The following PPM1A variants were observed in gnomAD, a reference collection of about 807,000 sequenced individuals.
The protein encoded by PPM1A is protein phosphatase, Mg2+/Mn2+ dependent 1A.
Under a neutral mutation model 35.0 loss-of-function variants are expected in PPM1A, and 7 were observed. The ratio of observed to expected loss-of-function variants is 0.20; its 90% CI spans 0.11 to 0.38. The LOEUF (loss-of-function observed/expected upper bound fraction) is 0.38. PPM1A is among the 10% of genes least tolerant of loss of function. The probability of loss-of-function intolerance (pLI) is 1.00; values close to 1 mark genes in which losing one functional copy is unlikely to be tolerated. For synonymous variants in PPM1A, 153 were observed against 167.3 expected (o/e 0.91, Z 0.66); for missense variants, 239 against 467.8 (o/e 0.51, Z 4.51).
At chr14:60,285,541 G>C in intron 2 of PPM1A, 83 bp from the exon 3 acceptor site, 1 of 1,373,126 alleles carries the variant, frequency 7.3e-7, no homozygotes, top group Non-Finnish European at 1.0e-6. Context: ...AAGTATAACT[G>C]TAATTGGCAC....
At position 60,294,337 on chromosome 14, in the gene PPM1A, A is replaced by G. The variant is rs939792706; in HGVS notation, c.*1855A>G. The G allele has an allele frequency of 6.6e-6, 1 of 151,876 alleles. No individual in the cohort carries two copies. Among genetic ancestry groups the G allele is most frequent in the African/African-American group, 2.4e-5 (1 of 41,406 alleles). 9.4% of individuals were successfully genotyped at this position (151,876 alleles called of 1,614,324 possible). On this transcript the variant is annotated 3_prime_UTR_variant, in exon 6 of 6. Transcript: ENST00000395076. ...ATGAATGAGGAAAAACTGAAGTACT[A>G]TTTATATTTAGAAATTCATATCAGT... is the stretch of plus-strand genomic sequence containing the variant.
rs375431894 is a variant in PPM1A at position 60,280,512 on chromosome 14, A to G, written c.-20-2172A>G. Reference sequence around the variant, plus strand: ...TCTTTTCTGTTGGTTTGTCTCTTAAATGTGTTTAATTTTTTGAGTTTCACT... The same window carrying G: ...TCTTTTCTGTTGGTTTGTCTCTTAAGTGTGTTTAATTTTTTGAGTTTCACT... On this transcript the variant is annotated intron_variant, in intron 1 of 5. Transcript: ENST00000395076. Among the ~76,000 whole-genome samples, 77 of 152,356 alleles carry G rather than the reference A, an allele frequency of 5.1e-4. 1 individual carries two copies. Among genetic ancestry groups the G allele is most frequent in the East Asian group, 9.6e-4 (5 of 5,194 alleles).
Position 60,289,995 on chromosome 14 carries a change from C to T in PPM1A, c.1061+81C>T. On this transcript the variant is annotated intron_variant, in intron 4 of 5. Transcript: ENST00000395076. This position sits in a 1 kb window ranked among gnomAD's most constrained non-coding sequence, Gnocchi z 4.1. ...TATTCATTGATAAAATGTTTGTTTG[C>T]CTAATTTCTGAACTGATGCAGTTAT... is the stretch of plus-strand genomic sequence containing the variant. The T allele has an allele frequency of 1.0e-6, 1 of 987,410 alleles. No homozygotes were observed. Among genetic ancestry groups the T allele is most frequent in the Non-Finnish European group, 1.5e-6 (1 of 682,836 alleles). The allele number at this position is 987,410 out of a possible 1,614,324, so 61.2% of individuals were successfully genotyped here. A position where few individuals can be genotyped will look rare whatever the true frequency, so the allele number is the denominator to read the frequency against.
At chr14:60,286,617 A>T in intron 3 of PPM1A, 1 of 985,326 alleles carries the variant, frequency 1.0e-6, no homozygotes, top group Non-Finnish European at 1.2e-6. Context: ...ATCGCATGCA[A>T]GCATTGACCT....
rs929066251 is a variant in PPM1A, at chr14:60,273,757, G to A, written c.-20-8927G>A. On this transcript the variant is annotated intron_variant, in intron 1 of 5. Transcript: ENST00000395076. The surrounding 1 kb of genome is among the most constrained non-coding windows in gnomAD (Gnocchi z 4.3). The stretch of plus-strand genomic sequence containing the variant: ...AAGTGGACAGATTTGAGAATGCTTA[G>A]GAAGCATATAACCCATGGGATTTGA... Among the ~76,000 whole-genome samples, 6 of 152,140 alleles carry A rather than the reference G, an allele frequency of 3.9e-5. No individual in the cohort carries two copies. The highest frequency in any genetic ancestry group is 8.8e-5 in the Non-Finnish European group (6 of 68,028).
At chr14:60,247,463 A>C (rs1342139880), upstream of PPM1A, among the ~76,000 whole-genome samples, 1 of 151,786 alleles carries the variant, frequency 6.6e-6, no homozygotes, top group Non-Finnish European at 1.5e-5. Context: ...CCCTGTCTGA[A>C]CTAAAAATAC....
intron 1 of PPM1A, among the ~76,000 whole-genome samples, chr14:60,261,036 C>G (rs1883690083): frequency 6.6e-6 from 1 of 152,112 alleles, no homozygotes; most frequent in African/African-American, 2.4e-5. Flanking sequence ...AGCCTCTCAA[C>G]TTCCCGAAAA....
At position 60,295,134 on chromosome 14, in the gene PPM1A, T is replaced by C. The variant is rs1887958606; in HGVS notation, c.*2652T>C. The stretch of plus-strand genomic sequence containing the variant: ...GAGGGAAAAAGTTCTTATGTGATGA[T>C]AATATAGTACTCAAAATATACTTTT... On this transcript the variant is annotated 3_prime_UTR_variant, in exon 6 of 6. Coordinates refer to ENST00000395076, the MANE Select transcript of PPM1A (RefSeq NM_021003.5). 6.6e-6 allele frequency: 1 copy of C among 151,794 alleles called. No homozygotes were observed. The highest frequency in any genetic ancestry group is 6.6e-5 in the Admixed American group (1 of 15,210). 9.4% of individuals were successfully genotyped at this position (151,794 alleles called of 1,614,324 possible).
intron 1 of PPM1A, among the ~76,000 whole-genome samples, chr14:60,250,739 A>G (rs1275729788): frequency 6.6e-6 from 1 of 152,240 alleles, no homozygotes; most frequent in African/African-American, 2.4e-5. Flanking sequence ...AGTCTTTTCA[A>G]ACTTGCACGT....
intron 1 of PPM1A, among the ~76,000 whole-genome samples, chr14:60,251,877 G>A (rs1019555726): frequency 6.6e-6 from 1 of 151,900 alleles, no homozygotes; most frequent in African/African-American, 2.4e-5. Context: ...GGAGACAAAG[G>A]GTGGTTGAGA....
intron 1 of PPM1A, among the ~76,000 whole-genome samples, chr14:60,278,812 T>C (rs1251426878): frequency 6.6e-6 from 1 of 152,250 alleles, no homozygotes; most frequent in African/African-American, 2.4e-5. Flanking sequence ...TTTAGGAATA[T>C]CTGTTTATGT....
intron 1 of PPM1A, among the ~76,000 whole-genome samples, chr14:60,251,705 A>G (rs1179748795): frequency 6.6e-6 from 1 of 152,176 alleles, no homozygotes; most frequent in African/African-American, 2.4e-5. Context: ...TCAGTGTTCT[A>G]AGGCTGGATT....
upstream of PPM1A, among the ~76,000 whole-genome samples, chr14:60,247,583 T>C (rs1017714479): frequency 2.9e-5 from 4 of 138,810 alleles, no homozygotes; most frequent in African/African-American, 8.7e-5. Context: ...TGAGCCGAGA[T>C]TGTGCCACTG....
chr14:60,291,381 A>AT lies in PPM1A; in HGVS notation c.1062-9dup, dbSNP rs764140760. On this transcript the variant is annotated splice_polypyrimidine_tract_variant and intron_variant, in intron 4 of 5. Transcript: ENST00000395076. ...GCTTTCTGAAGAATTAATTTTCTGC[A>AT]TTTTTTTACACTTAGGAGGAATGTT... 1.1e-4 allele frequency: 174 copies of AT among 1,521,212 alleles called. No individual in the cohort carries two copies. Among genetic ancestry groups the AT allele is most frequent in the Non-Finnish European group, 1.5e-4 (164 of 1,125,054 alleles). 94.2% of individuals were successfully genotyped at this position (1,521,212 alleles called of 1,614,324 possible). A position where few individuals can be genotyped will look rare whatever the true frequency, so the allele number is the denominator to read the frequency against.
rs1316712415 is a variant in PPM1A, at chr14:60,285,608, AT to A, written c.835-9del. On this transcript the variant is annotated splice_polypyrimidine_tract_variant and intron_variant, in intron 2 of 5. Coordinates refer to ENST00000395076, the MANE Select transcript of PPM1A (RefSeq NM_021003.5). Reference sequence around the variant, plus strand: ...AAAAAGAAAACTAAAATATTCTCAAATTTTTTTCTTCCCAGGGAAGTCGAGA... The same window carrying A: ...AAAAAGAAAACTAAAATATTCTCAAATTTTTTCTTCCCAGGGAAGTCGAGA... 1.2e-6 allele frequency: 2 copies of A among 1,610,746 alleles called. No individual in the cohort carries two copies. The highest frequency in any genetic ancestry group is 1.1e-5 in the South Asian group (1 of 90,432).
At chr14:60,274,845 T>G (rs1885563920) in intron 1 of PPM1A, among the ~76,000 whole-genome samples, 1 of 151,640 alleles carries the variant, frequency 6.6e-6, no homozygotes, top group Admixed American at 6.6e-5. Context: ...TCATTTCATA[T>G]CTTGGTTAGT....
intron 1 of PPM1A, among the ~76,000 whole-genome samples, chr14:60,264,292 G>T (rs940010379): frequency 6.6e-6 from 1 of 151,984 alleles, no homozygotes; most frequent in Non-Finnish European, 1.5e-5. Context: ...TGAGAAGTTC[G>T]ATCTCTGCCT....
chr14:60,275,069 CT>C (rs11424314), intron 1 of PPM1A, among the ~76,000 whole-genome samples: 264 of 138,406 alleles, frequency 1.9e-3, no homozygotes, highest in Middle Eastern at 3.7e-3. Flanking sequence ...TCTCTTCTTC[CT>C]TTTTTTTTTT....
At chr14:60,249,019 C>T (rs2139293653), upstream of PPM1A, among the ~76,000 whole-genome samples, 1 of 152,236 alleles carries the variant, frequency 6.6e-6, no homozygotes, top group East Asian at 1.9e-4. This position sits in a 1 kb window ranked among gnomAD's most constrained non-coding sequence, Gnocchi z 4.5. Context: ...GAGAAAGAAG[C>T]TGGGTAAGGC....
Sources: allele counts gnomAD v4.1 joint callset (sites outside exome capture counted in the v4.1 genomes callset), GRCh38; gene constraint gnomAD v4.1.1; non-coding constraint Gnocchi (gnomAD v3.1); transcripts MANE v1.5; gene names NCBI Gene and HGNC (gene_info 2026-07-23, HGNC 2026-07-21).